The following TMPRSS9 variants were observed in gnomAD, a reference collection of about 807,000 sequenced individuals.
TMPRSS9 encodes transmembrane serine protease 9.
A neutral mutation model predicts 111.4 loss-of-function variants in TMPRSS9; 113 were observed. That is an observed-to-expected ratio of 1.01 (90% CI 0.87 to 1.19). The LOEUF (loss-of-function observed/expected upper bound fraction) is 1.19, where lower values mean the gene tolerates loss of function less well. Among genes scored for constraint, TMPRSS9 ranks in the 50% most tolerant of loss-of-function variants. The probability of loss-of-function intolerance (pLI) is 0.00; values close to 1 mark genes in which losing one functional copy is unlikely to be tolerated. For synonymous variants in TMPRSS9, 805 were observed against 659.1 expected, an observed-to-expected ratio of 1.22 and a Z score of -3.39; for missense variants, 1,803 against 1,513.1, an observed-to-expected ratio of 1.19 and a Z score of -3.18.
chr19:2,414,941 A>T (rs113464997), intron 10 of TMPRSS9, among the ~76,000 whole-genome samples: 4,942 of 126,960 alleles, frequency 0.039, 105 homozygotes, highest in Non-Finnish European at 0.052. Flanking sequence ...TTGCATTCCT[A>T]TTTTTTTTTT....
At chr19:2,402,096 G>A (rs996963375) in intron 5 of TMPRSS9, 80 bp downstream of exon 6, 87 of 1,452,704 alleles carry the variant, frequency 6.0e-5, no homozygotes, top group Middle Eastern at 3.7e-4. Context: ...GGAAGTGAAG[G>A]AATCCCTGGA....
chr19:2,417,813 G>A (rs141132108), intron 12 of TMPRSS9, among the ~76,000 whole-genome samples, 189 bp from the exon 14 acceptor site: 1 of 152,270 alleles, frequency 6.6e-6, no homozygotes, highest in Non-Finnish European at 1.5e-5. Context: ...AGACTCTTGC[G>A]CTCTGAGCGG....
chr19:2,413,933 G>C (rs538992033), exon 10 of TMPRSS9: 1 of 1,612,416 alleles, frequency 6.2e-7, no homozygotes, highest in Non-Finnish European at 8.5e-7. Flanking sequence ...CCAGTCCTGA[G>C]AGCCCTGTGG....
At chr19:2,412,978 A>G (rs1465811804) in intron 9 of TMPRSS9, among the ~76,000 whole-genome samples, 1 of 151,950 alleles carries the variant, frequency 6.6e-6, no homozygotes, top group Non-Finnish European at 1.5e-5. Flanking sequence ...CAGATCACTT[A>G]AGGTCAGGAG....
At position 2,418,094 on chromosome 19, in the gene TMPRSS9, A is replaced by G. The variant is rs371213313; in HGVS notation, c.2110A>G (p.Met704Val). 1.9e-6 allele frequency: 3 copies of G among 1,612,324 alleles called. No homozygotes were observed. Among genetic ancestry groups the G allele is most frequent in the Non-Finnish European group, 2.5e-6 (3 of 1,179,686 alleles). The change falls in exon 13 of 18, where the codon ATG becomes GTG. Residue 704 changes from methionine to valine, a missense_variant. By Grantham distance (21) the Met-to-Val change is conservative. Coordinates refer to ENST00000648592, the Ensembl canonical transcript of TMPRSS9. ...CTACAACTTCTCCCTCACAGACCGCATGATCTGCGCAGGCTTCCTGGAAGG... is the reference window on the plus strand; with the variant it reads ...CTACAACTTCTCCCTCACAGACCGCGTGATCTGCGCAGGCTTCCTGGAAGG...
intron 6 of TMPRSS9, among the ~76,000 whole-genome samples, chr19:2,403,486 A>G (rs781381695): frequency 2.0e-5 from 3 of 152,110 alleles, no homozygotes; most frequent in Non-Finnish European, 2.9e-5. Context: ...GTTGAATACC[A>G]GGAACTGGAG....
chr19:2,393,058 T>C (rs527945296), intron 1 of TMPRSS9, among the ~76,000 whole-genome samples: 1 of 152,128 alleles, frequency 6.6e-6, no homozygotes, highest in South Asian at 2.1e-4. Context: ...CTCTGTAAAA[T>C]GGACCAATCA....
intron 14 of TMPRSS9, among the ~76,000 whole-genome samples, chr19:2,423,071 A>T (rs1302928822): frequency 2.0e-5 from 3 of 151,734 alleles, no homozygotes; most frequent in Non-Finnish European, 4.4e-5. Context: ...AAAAAAAAAA[A>T]AAAAAATGAA....
intron 1 of TMPRSS9, among the ~76,000 whole-genome samples, chr19:2,368,774 GTTTTT>G (rs762761358): frequency 1.4e-5 from 1 of 70,366 alleles, no homozygotes; most frequent in East Asian, 5.0e-4. Flanking sequence ...GATAAACCCA[GTTTTT>G]TTTTTTTTTT....
intron 11 of TMPRSS9, among the ~76,000 whole-genome samples, chr19:2,416,055 C>T (rs1971224050): frequency 6.6e-6 from 1 of 152,104 alleles, no homozygotes; most frequent in African/African-American, 2.4e-5. Context: ...GTTCCTTCCC[C>T]ATTGCTTGCT....
chr19:2,409,819 G>T (rs527288788), intron 8 of TMPRSS9, among the ~76,000 whole-genome samples: 2 of 152,226 alleles, frequency 1.3e-5, no homozygotes, highest in East Asian at 1.9e-4. Flanking sequence ...GATTTCAGTG[G>T]GGTGGGACCA....
chr19:2,392,208 A>G (rs538112713), intron 1 of TMPRSS9, among the ~76,000 whole-genome samples: 1 of 152,048 alleles, frequency 6.6e-6, no homozygotes, highest in African/African-American at 2.4e-5. Context: ...AATGAAGACA[A>G]GAAACATTTA....
chr19:2,414,158 T>G, intron 10 of TMPRSS9, 140 bp downstream of exon 11: 1 of 862,014 alleles, frequency 1.2e-6, no homozygotes, highest in Non-Finnish European at 1.7e-6. Flanking sequence ...TATTCCCATC[T>G]TACGTTGCGT....
At chr19:2,363,991 TACACCA>T in intron 1 of TMPRSS9, among the ~76,000 whole-genome samples, 1 of 151,934 alleles carries the variant, frequency 6.6e-6, no homozygotes, top group East Asian at 1.9e-4. Flanking sequence ...CTATGAGCCC[TACACCA>T]ACAGGACGCT....
chr19:2,393,928 C>T (rs918326831), intron 1 of TMPRSS9, among the ~76,000 whole-genome samples: 1 of 141,910 alleles, frequency 7.0e-6, no homozygotes, highest in Non-Finnish European at 1.5e-5. Flanking sequence ...AAAAGCTGGG[C>T]GCGGTGGCTC....
rs761774384 is a variant in TMPRSS9 at position 2,396,633 on chromosome 19, T to A, written c.237T>A (p.Tyr79Ter). The change falls in exon 2 of 18, where the codon TAT (tyrosine) becomes TAA (stop). Residue 79 changes from tyrosine to a stop codon, truncating the protein, a stop_gained. Transcript: ENST00000648592. LOFTEE classifies it high-confidence loss of function. ...GTTTGCGGCGGGAGACCTCGGACTA[T>A]CACCGCACGCTGACGCCCACCCTGG... is the stretch of plus-strand genomic sequence containing the variant. 6.2e-7 allele frequency: 1 copy of A among 1,606,104 alleles called. No homozygotes were observed. Among genetic ancestry groups the A allele is most frequent in the South Asian group, 1.1e-5 (1 of 89,566 alleles).
intron 1 of TMPRSS9, among the ~76,000 whole-genome samples, chr19:2,379,604 TAA>T (rs1970365154): frequency 6.6e-6 from 1 of 151,688 alleles, no homozygotes; most frequent in African/African-American, 2.4e-5. Context: ...TTCCCTAAAC[TAA>T]CTTTCTTTCT....
At chr19:2,360,660 G>A (rs956707722) in intron 1 of TMPRSS9, among the ~76,000 whole-genome samples, 3 of 151,788 alleles carry the variant, frequency 2.0e-5, no homozygotes, top group Admixed American at 2.0e-4. Flanking sequence ...ACGCAGGTGC[G>A]GCGTGTAGAT....
In TMPRSS9 at chr19:2,424,150, G is replaced by A. The variant is rs746773056; in HGVS notation, c.2610G>A (p.Gly870=). 2.1e-6 allele frequency: 3 copies of A among 1,452,236 alleles called. No homozygotes were observed. The South Asian group carries it at 4.2e-5, about 20-fold the overall frequency. 90.0% of individuals were successfully genotyped at this position (1,452,236 alleles called of 1,614,324 possible). Residue 870 remains glycine, a synonymous_variant, in exon 15 of 18, where the codon GGG becomes GGA. Coordinates refer to ENST00000648592, the Ensembl canonical transcript of TMPRSS9. ...TGGGCGGCAGCGCAGCGGGCCGTGGGGAGTGGCCGTGGCAGGTGAGCCTGT... is the reference window on the plus strand; with the variant it reads ...TGGGCGGCAGCGCAGCGGGCCGTGGAGAGTGGCCGTGGCAGGTGAGCCTGT...
Sources: gnomAD v4.1 joint callset for allele counts (sites outside exome capture counted in the v4.1 genomes callset) on GRCh38, gnomAD v4.1.1 for gene constraint, MANE v1.5 for transcripts, NCBI Gene and HGNC (gene_info 2026-07-23, HGNC 2026-07-21) for gene names.